Variants in SCLT1 observed in about 807,000 individuals in gnomAD.
SCLT1 encodes sodium channel-associated protein 1.
In SCLT1, 78 loss-of-function variants were observed where a neutral mutation model predicts 112.8. The ratio of observed to expected loss-of-function variants is 0.69; its 90% CI spans 0.58 to 0.83. SCLT1 has a LOEUF of 0.83. Among genes scored for constraint, SCLT1 ranks in the 40% least tolerant of loss-of-function variants. The pLI is 0.00. For synonymous variants in SCLT1, 257 were observed against 254.7 expected, an observed-to-expected ratio of 1.01 and a Z score of -0.09; for missense variants, 747 against 770.4, an observed-to-expected ratio of 0.97 and a Z score of 0.36.
chr4:129,020,533 T>C (rs1425100890), intron 5 of SCLT1, among the ~76,000 whole-genome samples: 1 of 152,176 alleles, frequency 6.6e-6, no homozygotes, highest in African/African-American at 2.4e-5. Flanking sequence ...TCTTCGGGAT[T>C]TGGACTAGAG....
chr4:128,907,663 G>T (rs1291444650), intron 18 of SCLT1, among the ~76,000 whole-genome samples: 2 of 152,136 alleles, frequency 1.3e-5, no homozygotes, highest in African/African-American at 4.8e-5. Flanking sequence ...AAAAAGGTCT[G>T]CATTAGAAGA....
rs543592216 is a variant in SCLT1 at position 128,917,329 on chromosome 4, G to C, written c.1829+19326C>G. On this transcript the variant is annotated intron_variant, in intron 18 of 20. Coordinates refer to ENST00000281142, the MANE Select transcript of SCLT1 (RefSeq NM_144643.4). ...CAAAGTAATATAGTTAAAATATAAT[G>C]GTACACAACATATTGATTTTAGTCA... Among the ~76,000 whole-genome samples the C allele has an allele frequency of 2.0e-5, 3 of 151,924 alleles. No individual in the cohort carries two copies. In the East Asian group the frequency reaches 5.8e-4, roughly 29 times the overall value.
At chr4:129,088,496 C>T (rs1049776919) in intron 1 of SCLT1, among the ~76,000 whole-genome samples, 2 of 152,168 alleles carry the variant, frequency 1.3e-5, no homozygotes, top group African/African-American at 2.4e-5. Context: ...CTGTTCAATA[C>T]TGTACCAGAG....
chr4:129,047,844 C>T (rs968428108), intron 2 of SCLT1, among the ~76,000 whole-genome samples: 8 of 151,816 alleles, frequency 5.3e-5, no homozygotes, highest in Non-Finnish European at 1.0e-4. Context: ...CTTCTTTTAA[C>T]TGTTGAATTG....
intron 5 of SCLT1, among the ~76,000 whole-genome samples, chr4:129,005,579 T>A (rs147740447): frequency 6.6e-6 from 1 of 152,178 alleles, no homozygotes; most frequent in Non-Finnish European, 1.5e-5. Context: ...GACTGTAAAC[T>A]AGTTCAACTA....
chr4:128,925,046 G>A (rs546101444), intron 18 of SCLT1, among the ~76,000 whole-genome samples: 2 of 152,210 alleles, frequency 1.3e-5, no homozygotes, highest in South Asian at 4.1e-4. Flanking sequence ...GATGTCTCCT[G>A]CCAATGCCAG....
Position 129,041,469 on chromosome 4 carries a change from T to C in SCLT1, c.234+1926A>G, listed in dbSNP as rs539074582. Among the ~76,000 whole-genome samples, 15 of 152,322 alleles carry C rather than the reference T, an allele frequency of 9.8e-5. No homozygotes were observed. In the South Asian group the frequency reaches 3.1e-3, roughly 32 times the overall value. ...ATTTTATTTTTAGAAATTGGAAGCATTATGTGTTCTTTTAGTAAAGCTACA... is the reference window on the plus strand; with the variant it reads ...ATTTTATTTTTAGAAATTGGAAGCACTATGTGTTCTTTTAGTAAAGCTACA... On this transcript the variant is annotated intron_variant, in intron 4 of 20. Coordinates refer to ENST00000281142, the MANE Select transcript of SCLT1 (RefSeq NM_144643.4).
chr4:128,956,840 TAAAGG>T (rs1739257954), intron 13 of SCLT1, among the ~76,000 whole-genome samples, 181 bp downstream of exon 13: 1 of 152,132 alleles, frequency 6.6e-6, no homozygotes, highest in Non-Finnish European at 1.5e-5. Context: ...GAGATAATTT[TAAAGG>T]AAAGGAGCCT....
chr4:129,059,262 G>T, intron 2 of SCLT1, among the ~76,000 whole-genome samples: 1 of 152,052 alleles, frequency 6.6e-6, no homozygotes, highest in South Asian at 2.1e-4. Context: ...AGTGGGAAAT[G>T]GAATCCATTT....
intron 18 of SCLT1, among the ~76,000 whole-genome samples, chr4:128,925,413 G>A (rs898743813): frequency 1.3e-5 from 2 of 151,826 alleles, no homozygotes; most frequent in African/African-American, 4.8e-5. Flanking sequence ...CATGATCTTG[G>A]CTCACTGCAA....
At chr4:129,004,015 A>G (rs930295775) in intron 5 of SCLT1, 139 bp from the exon 6 acceptor site, 7 of 729,702 alleles carry the variant, frequency 9.6e-6, no homozygotes, top group Admixed American at 8.5e-5. Flanking sequence ...ATAAAAAATT[A>G]GAAGTGTTTA....
intron 9 of SCLT1, among the ~76,000 whole-genome samples, chr4:128,976,904 A>T (rs1741222940): frequency 6.6e-6 from 1 of 152,206 alleles, no homozygotes; most frequent in Non-Finnish European, 1.5e-5. Flanking sequence ...TGGGGACTAC[A>T]ATGTCAATGA....
chr4:129,057,556 G>GT lies in SCLT1; in HGVS notation c.103-13506dup, dbSNP rs35509030. 9.5e-3 allele frequency among the ~76,000 whole-genome samples: 1,330 copies of GT among 140,374 alleles called. 18 individuals are homozygous for GT. The highest frequency in any genetic ancestry group is 0.03 in the African/African-American group (1,138 of 38,024). 92.1% of individuals were successfully genotyped at this position (140,374 alleles called of 152,430 possible). On this transcript the variant is annotated intron_variant, in intron 2 of 20. Transcript: ENST00000281142. ...AGTGAAGCCATCAGGTCCTGAGCTA[G>GT]TTTTTTTTTTTTTTTTAAGACTTTT...
At chr4:129,035,825 CATG>C (rs1747128814) in intron 5 of SCLT1, among the ~76,000 whole-genome samples, 1 of 150,992 alleles carries the variant, frequency 6.6e-6, no homozygotes, top group African/African-American at 2.4e-5. Flanking sequence ...TGGAAGGGAG[CATG>C]ATAATAATAA....
chr4:129,087,559 T>C (rs1206871502), intron 1 of SCLT1, among the ~76,000 whole-genome samples: 1 of 143,734 alleles, frequency 7.0e-6, no homozygotes, highest in East Asian at 2.1e-4. Context: ...CCAGCCTGGG[T>C]GACAAAGGGA....
Position 128,943,486 on chromosome 4 carries a change from G to A in SCLT1, c.1440-298C>T, listed in dbSNP as rs116034417. Among the ~76,000 whole-genome samples the A allele has an allele frequency of 4.7e-3, 715 of 152,156 alleles. 5 individuals carry two copies. The highest frequency in any genetic ancestry group is 0.017 in the African/African-American group (692 of 41,526). ...CTAACATTAAGAATCACTGTGTATG[G>A]AGAACTTCAAGGAAATGAACTGAAG... On this transcript the variant is annotated intron_variant, in intron 16 of 20. Transcript: ENST00000281142.
Position 128,953,314 on chromosome 4 carries a change from T to C in SCLT1, c.1147-474A>G, listed in dbSNP as rs180693259. 3.1e-3 allele frequency among the ~76,000 whole-genome samples: 468 copies of C among 152,330 alleles called. 1 individual carries two copies. The highest frequency in any genetic ancestry group is 4.8e-3 in the Non-Finnish European group (329 of 68,022). On this transcript the variant is annotated intron_variant, in intron 13 of 20. Transcript: ENST00000281142. ...TACTTTTGCAAATTTCCTTAATGTC[T>C]GGCTGAATAGAAGCTAGATTCTGAT... is the stretch of plus-strand genomic sequence containing the variant.
chr4:129,083,450 CAAAAAA>C (rs10708320), intron 1 of SCLT1, among the ~76,000 whole-genome samples: 3 of 116,418 alleles, frequency 2.6e-5, no homozygotes, highest in Non-Finnish European at 3.4e-5. Context: ...TATCAAGAAC[CAAAAAA>C]AAAAAAAAAA....
chr4:128,879,585 T>C (rs550103516), downstream of SCLT1, among the ~76,000 whole-genome samples: 5 of 152,300 alleles, frequency 3.3e-5, no homozygotes, highest in Admixed American at 6.5e-5. Flanking sequence ...CTCATATCTT[T>C]GGAAAGGAAA....
Sources: allele counts gnomAD v4.1 joint callset (sites outside exome capture counted in the v4.1 genomes callset), GRCh38; gene constraint gnomAD v4.1.1; transcripts MANE v1.5; gene names NCBI Gene and HGNC (gene_info 2026-07-23, HGNC 2026-07-21).